The following WASF3 variants were observed in gnomAD, a reference collection of about 807,000 sequenced individuals.
The protein encoded by WASF3 is WASP family member 3.
In WASF3, 11 loss-of-function variants were observed where a neutral mutation model predicts 46.6. The ratio of observed to expected loss-of-function variants is 0.24; its 90% CI spans 0.15 to 0.39. WASF3 has a LOEUF of 0.39. WASF3 is among the 10% of genes least tolerant of loss of function. WASF3 has a pLI of 1.00. For synonymous variants in WASF3, 242 were observed against 259.7 expected (o/e 0.93, Z 0.65); for missense variants, 576 against 669.8 (o/e 0.86, Z 1.55).
chr13:26,544,041 C>T, the WASF3 span, among the ~76,000 whole-genome samples: 3 of 152,146 alleles, frequency 2.0e-5, no homozygotes, highest in African/African-American at 4.8e-5. Flanking sequence ...TTGTATGTAA[C>T]TGCCCTGTTC....
chr13:26,685,851 G>T lies in WASF3; in HGVS notation c.*6G>T, dbSNP rs1183789495. 1 of 1,609,570 alleles carries T rather than the reference G, an allele frequency of 6.2e-7. No individual in the cohort carries two copies. Among genetic ancestry groups the T allele is most frequent in the South Asian group, 1.1e-5 (1 of 91,014 alleles). ...AGAACGACTGGTCCGACTGAGCAAA[G>T]GCCGGCGGAGAGGCCGCGTGTGGGA... On this transcript the variant is annotated 3_prime_UTR_variant, in exon 10 of 10. Transcript: ENST00000335327.
chr13:26,649,089 T>A (rs1158967788), intron 3 of WASF3, among the ~76,000 whole-genome samples: 1 of 152,194 alleles, frequency 6.6e-6, no homozygotes, highest in Non-Finnish European at 1.5e-5. Flanking sequence ...TTTATCTGGT[T>A]TTATCATCTC....
chr13:26,543,333 T>G, the WASF3 span, among the ~76,000 whole-genome samples: 1 of 152,232 alleles, frequency 6.6e-6, no homozygotes, highest in African/African-American at 2.4e-5. Context: ...GAAACTGGGA[T>G]GCCATGTGGG....
At chr13:26,602,016 A>G (rs1038544650) in intron 1 of WASF3, among the ~76,000 whole-genome samples, 57 of 152,182 alleles carry the variant, frequency 3.7e-4, no homozygotes, top group African/African-American at 1.3e-3. Flanking sequence ...TGCCTCTGCT[A>G]CCTTGCTGTG....
chr13:26,667,681 A>C lies in WASF3; in HGVS notation c.422+11A>C, dbSNP rs370615100. ...CCTGACACCATACAGGTATAGCTTCATGAGTCCCAGAGCCTCTCCTTGAGA... is the reference window on the plus strand; with the variant it reads ...CCTGACACCATACAGGTATAGCTTCCTGAGTCCCAGAGCCTCTCCTTGAGA... On this transcript the variant is annotated intron_variant, in intron 5 of 9. Coordinates refer to ENST00000335327, the MANE Select transcript of WASF3 (RefSeq NM_006646.6). The C allele has an allele frequency of 6.9e-5, 112 of 1,611,926 alleles. No homozygotes were observed. Among genetic ancestry groups the C allele is most frequent in the Non-Finnish European group, 9.4e-5 (111 of 1,179,206 alleles).
chr13:26,676,853 T>A, intron 7 of WASF3, 129 bp downstream of exon 7: 2 of 857,542 alleles, frequency 2.3e-6, no homozygotes, highest in Non-Finnish European at 3.4e-6. Context: ...AGATTTTCCT[T>A]AAAAATTGTT....
intron 1 of WASF3, among the ~76,000 whole-genome samples, chr13:26,596,932 A>G (rs1047528225): frequency 1.1e-4 from 16 of 151,818 alleles, no homozygotes; most frequent in East Asian, 1.9e-4. Context: ...TGGCTTTTCT[A>G]TTTACCTATT....
intron 1 of WASF3, chr13:26,576,853 C>A: frequency 1.7e-6 from 1 of 605,870 alleles, no homozygotes; most frequent in South Asian, 2.0e-5. Context: ...AGTATAATAT[C>A]AAAACCGCCC....
intron 1 of WASF3, among the ~76,000 whole-genome samples, chr13:26,602,416 TTC>T (rs1191941269): frequency 6.6e-6 from 1 of 152,254 alleles, no homozygotes; most frequent in Non-Finnish European, 1.5e-5. Context: ...CGTTTGTATC[TTC>T]TCTCATAAAT....
chr13:26,687,560 G>C lies in WASF3; in HGVS notation c.*1715G>C, dbSNP rs1011941231. 2.0e-5 allele frequency: 3 copies of C among 152,328 alleles called. No homozygotes were observed. The highest frequency in any genetic ancestry group is 4.4e-5 in the Non-Finnish European group (3 of 68,168). 9.4% of individuals were successfully genotyped at this position (152,328 alleles called of 1,614,324 possible). On this transcript the variant is annotated 3_prime_UTR_variant, in exon 10 of 10. Transcript: ENST00000335327. ...ATGTCTGCATCCCCTTTCCAAGGCT[G>C]CTTCCCTGGTGTGTCTGTTCTCTCC...
chr13:26,638,078 C>G (rs9512298), intron 2 of WASF3: 67,805 of 152,152 alleles, frequency 0.45, 16,425 homozygotes, highest in Non-Finnish European at 0.55. Context: ...CTTTCCTAGT[C>G]TGCCATGAGG....
At chr13:26,560,392 G>A (rs1297838661) in intron 1 of WASF3, among the ~76,000 whole-genome samples, 2 of 152,068 alleles carry the variant, frequency 1.3e-5, no homozygotes, top group Non-Finnish European at 2.9e-5. Flanking sequence ...TCTTTTTCCC[G>A]TCTTATTGTT....
upstream of WASF3, among the ~76,000 whole-genome samples, chr13:26,556,103 T>C (rs1199458794): frequency 1.3e-5 from 2 of 152,314 alleles, no homozygotes; most frequent in African/African-American, 2.4e-5. Flanking sequence ...ATGGAACTGA[T>C]GATCTAATTA....
intron 3 of WASF3, among the ~76,000 whole-genome samples, chr13:26,662,441 G>T (rs1882657328): frequency 6.6e-6 from 1 of 152,192 alleles, no homozygotes; most frequent in African/African-American, 2.4e-5. Flanking sequence ...AGAAAATGTG[G>T]TACATCATGG....
chr13:26,658,558 G>A (rs1882533823), intron 3 of WASF3, among the ~76,000 whole-genome samples: 1 of 152,226 alleles, frequency 6.6e-6, no homozygotes, highest in Non-Finnish European at 1.5e-5. Context: ...ATAGAAACAT[G>A]TTTAATCCTT....
chr13:26,622,154 C>CT (rs774834206), intron 2 of WASF3, among the ~76,000 whole-genome samples: 4 of 152,126 alleles, frequency 2.6e-5, no homozygotes, highest in Non-Finnish European at 4.4e-5. Context: ...GCACTGTGCT[C>CT]TAATTACCTG....
At chr13:26,613,593 G>T (rs1470663024) in intron 2 of WASF3, among the ~76,000 whole-genome samples, 1 of 152,102 alleles carries the variant, frequency 6.6e-6, no homozygotes, top group Non-Finnish European at 1.5e-5. Context: ...CACAGTGAAA[G>T]CCCATCTCTA....
intron 1 of WASF3, among the ~76,000 whole-genome samples, chr13:26,571,358 A>G (rs1426747571): frequency 1.3e-5 from 2 of 152,162 alleles, no homozygotes; most frequent in African/African-American, 4.8e-5. Flanking sequence ...TTATTCTAGT[A>G]CTTGAGTAGT....
chr13:26,577,255 T>C (rs1436643967), intron 1 of WASF3: 5 of 737,832 alleles, frequency 6.8e-6, no homozygotes, highest in Admixed American at 3.6e-5. Context: ...AAAGCTCATG[T>C]TGATGTCAGG....
Sources: allele counts gnomAD v4.1 joint callset (sites outside exome capture counted in the v4.1 genomes callset), GRCh38; gene constraint gnomAD v4.1.1; transcripts MANE v1.5; gene names NCBI Gene and HGNC (gene_info 2026-07-23, HGNC 2026-07-21).